The following ARHGAP18 variants were observed in gnomAD, a reference collection of about 807,000 sequenced individuals.
ARHGAP18 encodes the protein Rho GTPase activating protein 18.
In ARHGAP18, 67 loss-of-function variants were observed where a neutral mutation model predicts 86.2. The ratio of observed to expected loss-of-function variants is 0.78; its 90% CI spans 0.64 to 0.95. The LOEUF (loss-of-function observed/expected upper bound fraction) is 0.95, where lower values mean the gene tolerates loss of function less well. ARHGAP18 is among the 40% of genes least tolerant of loss of function. The pLI is 0.00. For synonymous variants in ARHGAP18, 283 were observed against 280.4 expected (o/e 1.01, Z -0.09); for missense variants, 691 against 780.4 (o/e 0.89, Z 1.37).
At chr6:129,693,054 C>T (rs569071957) in intron 1 of ARHGAP18, among the ~76,000 whole-genome samples, 11 of 152,294 alleles carry the variant, frequency 7.2e-5, no homozygotes, top group African/African-American at 2.4e-4. Context: ...CTTTAATGTC[C>T]TTCTGTCCCC....
intron 1 of ARHGAP18, among the ~76,000 whole-genome samples, chr6:129,677,264 A>G (rs1480507519): frequency 1.3e-5 from 2 of 152,030 alleles, no homozygotes; most frequent in African/African-American, 2.4e-5. Context: ...GCGGTGGCGG[A>G]CGCCTGTAGT....
chr6:129,613,378 T>G (rs551675013), intron 7 of ARHGAP18, among the ~76,000 whole-genome samples: 1 of 152,314 alleles, frequency 6.6e-6, no homozygotes, highest in African/African-American at 2.4e-5. Flanking sequence ...AATAAAGCAT[T>G]TAAAACCTAA....
Position 129,708,107 on chromosome 6 carries a change from CA to C in ARHGAP18, c.113+1916del, listed in dbSNP as rs542563624. Among the ~76,000 whole-genome samples, 228 of 152,302 alleles carry C rather than the reference CA, an allele frequency of 1.5e-3. 2 individuals carry two copies. The highest frequency in any genetic ancestry group is 4.8e-3 in the African/African-American group (199 of 41,570). On this transcript the variant is annotated intron_variant, in intron 1 of 14. Coordinates refer to ENST00000368149, the MANE Select transcript of ARHGAP18 (RefSeq NM_033515.3). Reference sequence around the variant, plus strand: ...CTAAACAGGGTATCTCCCAAAACAACAACAAGTTTATCTGATTCGTTAGCCC... The same window carrying C: ...CTAAACAGGGTATCTCCCAAAACAACACAAGTTTATCTGATTCGTTAGCCC...
intron 1 of ARHGAP18, among the ~76,000 whole-genome samples, chr6:129,665,819 G>T (rs1212595590): frequency 6.6e-6 from 1 of 152,038 alleles, no homozygotes. Flanking sequence ...GTGAATGAGA[G>T]ACCAATAATG....
At chr6:129,644,348 A>C (rs985347354) in intron 1 of ARHGAP18, among the ~76,000 whole-genome samples, 1 of 152,160 alleles carries the variant, frequency 6.6e-6, no homozygotes, top group African/African-American at 2.4e-5. Context: ...TTAAATTAAC[A>C]TGTAAATGAG....
intron 1 of ARHGAP18, among the ~76,000 whole-genome samples, chr6:129,692,343 G>T (rs1418464783): frequency 6.6e-6 from 1 of 152,080 alleles, no homozygotes; most frequent in East Asian, 1.9e-4. Context: ...CATCATGCCT[G>T]GGTCCCCAGT....
In ARHGAP18 at chr6:129,627,913, T is replaced by C. The variant is rs533120594; in HGVS notation, c.786+1440A>G. On this transcript the variant is annotated intron_variant, in intron 5 of 14. Coordinates refer to ENST00000368149, the MANE Select transcript of ARHGAP18 (RefSeq NM_033515.3). ...TATGGTTAGGAGTTTTAAAATCCCC[T>C]CTTTGTCTTTTAGAAATATAGATGA... Among the ~76,000 whole-genome samples, 500 of 152,248 alleles carry C rather than the reference T, an allele frequency of 3.3e-3. 2 individuals carry two copies. The highest frequency in any genetic ancestry group is 0.011 in the African/African-American group (468 of 41,562).
intron 5 of ARHGAP18, among the ~76,000 whole-genome samples, chr6:129,621,235 T>A (rs1389170792): frequency 6.6e-6 from 1 of 152,144 alleles, no homozygotes; most frequent in Non-Finnish European, 1.5e-5. Flanking sequence ...AATGTTGGAG[T>A]CAGTCTCCTA....
intron 4 of ARHGAP18, among the ~76,000 whole-genome samples, chr6:129,630,164 T>C (rs1773170653): frequency 6.6e-6 from 1 of 152,186 alleles, no homozygotes; most frequent in African/African-American, 2.4e-5. Context: ...CAACTGTAAA[T>C]ACCAGTCAAA....
At chr6:129,580,211 C>A in intron 13 of ARHGAP18, 80 bp from the exon 14 acceptor site, 1 of 1,266,006 alleles carries the variant, frequency 7.9e-7, no homozygotes, top group Non-Finnish European at 1.1e-6. Context: ...TTGGGGAATT[C>A]TGGCTGGTAT....
chr6:129,600,146 T>C (rs1178649391), intron 11 of ARHGAP18, among the ~76,000 whole-genome samples: 1 of 152,154 alleles, frequency 6.6e-6, no homozygotes, highest in Non-Finnish European at 1.5e-5. Context: ...TTTTCCTAAA[T>C]GCTTATAAGA....
intron 9 of ARHGAP18, among the ~76,000 whole-genome samples, chr6:129,607,330 G>A (rs1788874264): frequency 6.6e-6 from 1 of 152,186 alleles, no homozygotes; most frequent in Non-Finnish European, 1.5e-5. Context: ...AACTATTAGA[G>A]ACACTAATGT....
At chr6:129,579,613 G>A (rs1451935132) in intron 14 of ARHGAP18, among the ~76,000 whole-genome samples, 2 of 152,150 alleles carry the variant, frequency 1.3e-5, no homozygotes, top group East Asian at 3.9e-4. Context: ...TTACTAATGT[G>A]AATTTGAGTG....
intron 3 of ARHGAP18, among the ~76,000 whole-genome samples, chr6:129,637,570 G>A (rs1382050660): frequency 6.6e-6 from 1 of 152,148 alleles, no homozygotes; most frequent in Non-Finnish European, 1.5e-5. Flanking sequence ...TCTGTATATA[G>A]TGAACTCTAA....
chr6:129,601,869 A>C (rs1788753698), intron 10 of ARHGAP18, among the ~76,000 whole-genome samples: 1 of 151,670 alleles, frequency 6.6e-6, no homozygotes, highest in Admixed American at 6.6e-5. Flanking sequence ...TTCAAGAAAC[A>C]CTTCCACCTC....
intron 5 of ARHGAP18, among the ~76,000 whole-genome samples, chr6:129,623,773 T>C (rs902387700): frequency 2.6e-5 from 4 of 152,218 alleles, no homozygotes; most frequent in Non-Finnish European, 5.9e-5. Context: ...GATGAGTATA[T>C]GCATATTTGC....
chr6:129,643,210 C>T (rs751077938), intron 1 of ARHGAP18, among the ~76,000 whole-genome samples: 4 of 152,088 alleles, frequency 2.6e-5, no homozygotes, highest in South Asian at 2.1e-4. Flanking sequence ...CCTTTATATA[C>T]GGTTGATATG....
intron 1 of ARHGAP18, among the ~76,000 whole-genome samples, chr6:129,692,158 T>C (rs561092938): frequency 6.6e-6 from 1 of 152,240 alleles, no homozygotes; most frequent in South Asian, 2.1e-4. Flanking sequence ...CCTCTGGGCC[T>C]ACTGGCCTAA....
intron 1 of ARHGAP18, among the ~76,000 whole-genome samples, chr6:129,680,953 T>G (rs2114536886): frequency 6.6e-6 from 1 of 152,304 alleles, no homozygotes; most frequent in Non-Finnish European, 1.5e-5. Flanking sequence ...ATAAACCCTT[T>G]GAGTAGAACT....
Sources: allele counts gnomAD v4.1 joint callset (sites outside exome capture counted in the v4.1 genomes callset), GRCh38; gene constraint gnomAD v4.1.1; transcripts MANE v1.5; gene names NCBI Gene and HGNC (gene_info 2026-07-23, HGNC 2026-07-21).